Variants in PRMT3 observed in about 807,000 individuals in gnomAD.
PRMT3 encodes protein arginine methyltransferase 3.
A neutral mutation model predicts 71.9 loss-of-function variants in PRMT3; 62 were observed. That is an observed-to-expected ratio of 0.86 (90% CI 0.70 to 1.07). The LOEUF (loss-of-function observed/expected upper bound fraction) is 1.07. PRMT3 is among the 50% of genes least tolerant of loss of function. The probability of loss-of-function intolerance (pLI) is 0.00; values close to 1 mark genes in which losing one functional copy is unlikely to be tolerated. For missense variants in PRMT3, 663 were observed against 643.0 expected, an observed-to-expected ratio of 1.03 and a Z score of -0.34; for synonymous variants, 213 against 220.4, an observed-to-expected ratio of 0.97 and a Z score of 0.30.
At chr11:20,451,128 A>T (rs1850139094) in intron 10 of PRMT3, among the ~76,000 whole-genome samples, 1 of 152,160 alleles carries the variant, frequency 6.6e-6, no homozygotes, top group Non-Finnish European at 1.5e-5. Context: ...ATTGGAATGT[A>T]GCGTATTTGT....
intron 9 of PRMT3, among the ~76,000 whole-genome samples, chr11:20,420,723 T>G (rs1000855121): frequency 6.6e-6 from 1 of 152,186 alleles, no homozygotes; most frequent in African/African-American, 2.4e-5. Flanking sequence ...TGGGGACTGC[T>G]GATAACAGAA....
At position 20,508,581 on chromosome 11, in the gene PRMT3, T is replaced by C. The variant is rs1163247367; in HGVS notation, c.*168T>C. On this transcript the variant is annotated 3_prime_UTR_variant, in exon 16 of 16. Coordinates refer to ENST00000331079, the MANE Select transcript of PRMT3 (RefSeq NM_005788.4). ...TTGTGGGAATCTGACATAGTTCAGC[T>C]GAGGAAGAGAATCAGCTGATCCTCA... is the stretch of plus-strand genomic sequence containing the variant. 1.4e-6 allele frequency: 1 copy of C among 698,846 alleles called. No individual in the cohort carries two copies. Among genetic ancestry groups the C allele is most frequent in the South Asian group, 1.5e-5 (1 of 66,766 alleles). 43.3% of individuals were successfully genotyped at this position (698,846 alleles called of 1,614,324 possible).
intron 13 of PRMT3, among the ~76,000 whole-genome samples, chr11:20,477,182 A>T (rs969731284): frequency 8.5e-5 from 13 of 152,172 alleles, no homozygotes; most frequent in African/African-American, 3.1e-4. Context: ...TATTTATGAA[A>T]TTCTCAGCAG....
At chr11:20,394,032 C>G (rs1043100672) in intron 5 of PRMT3, among the ~76,000 whole-genome samples, 2 of 152,198 alleles carry the variant, frequency 1.3e-5, no homozygotes, top group African/African-American at 4.8e-5. Context: ...GCTTTTATAA[C>G]AAGAATTCAA....
intron 8 of PRMT3, chr11:20,406,794 A>C (rs147827520): frequency 6.6e-6 from 1 of 152,096 alleles, no homozygotes; most frequent in Non-Finnish European, 1.5e-5. Flanking sequence ...ATTTTTCCAT[A>C]TCCTTAGCAA....
At chr11:20,399,307 T>C (rs1040494488) in intron 7 of PRMT3, among the ~76,000 whole-genome samples, 1 of 152,206 alleles carries the variant, frequency 6.6e-6, no homozygotes, top group Non-Finnish European at 1.5e-5. Flanking sequence ...GATCACAGAA[T>C]AGAAGTTTGG....
intron 13 of PRMT3, among the ~76,000 whole-genome samples, chr11:20,481,373 TCTG>T (rs1024563158): frequency 1.3e-5 from 2 of 152,054 alleles, no homozygotes; most frequent in African/African-American, 4.8e-5. Context: ...GAGAAACACA[TCTG>T]CTGTTTCTTT....
In PRMT3 at chr11:20,462,156, T is replaced by C; in HGVS notation, c.1249T>C (p.Cys417Arg). 1 of 1,605,158 alleles carries C rather than the reference T, an allele frequency of 6.2e-7. No individual in the cohort carries two copies. Among genetic ancestry groups the C allele is most frequent in the Non-Finnish European group, 8.5e-7 (1 of 1,173,872 alleles). Residue 417 changes from cysteine to arginine, a missense_variant, in exon 12 of 16, where the codon TGT becomes CGT. By Grantham distance (180) the Cys-to-Arg change is radical. Transcript: ENST00000331079. ...LDPKTLISEP[C>R]GIKHIDCHTT... is the part of the protein sequence containing the mutation. ...TCCGAAGACTCTTATTTCAGAACCT[T>C]GTGGTATTAAGGTAGGTGTTTTACC... is the stretch of plus-strand genomic sequence containing the variant.
intron 13 of PRMT3, among the ~76,000 whole-genome samples, chr11:20,482,493 TAATC>T (rs1476858342): frequency 1.1e-4 from 17 of 152,240 alleles, no homozygotes; most frequent in African/African-American, 2.2e-4. Flanking sequence ...ATTTATCAAA[TAATC>T]AATAAGAGTG....
intron 10 of PRMT3, among the ~76,000 whole-genome samples, chr11:20,438,342 CAG>C (rs1355445877): frequency 2.2e-5 from 1 of 46,486 alleles, no homozygotes; most frequent in African/African-American, 3.7e-5. Context: ...GGCTGTATCC[CAG>C]ACTCTGTGAG....
chr11:20,414,956 GT>G (rs1307516132), intron 9 of PRMT3, among the ~76,000 whole-genome samples: 1 of 151,428 alleles, frequency 6.6e-6, no homozygotes, highest in East Asian at 1.9e-4. Context: ...CTTAGTTAAG[GT>G]TTTTGAATAA....
intron 10 of PRMT3, among the ~76,000 whole-genome samples, chr11:20,449,755 G>A (rs896076530): frequency 6.6e-6 from 1 of 151,848 alleles, no homozygotes; most frequent in African/African-American, 2.4e-5. Flanking sequence ...ATAAAAAGCA[G>A]TTTCATTTTA....
Position 20,462,169 on chromosome 11 carries a change from T to G in PRMT3, c.1260+2T>G, listed in dbSNP as rs1246475203. 6.4e-7 allele frequency: 1 copy of G among 1,572,948 alleles called. No homozygotes were observed. The highest frequency in any genetic ancestry group is 2.3e-5 in the East Asian group (1 of 44,348). ...ATTTCAGAACCTTGTGGTATTAAGG[T>G]AGGTGTTTTACCAACTTTATTTTTT... On this transcript the variant is annotated splice_donor_variant, in intron 12 of 15. Coordinates refer to ENST00000331079, the MANE Select transcript of PRMT3 (RefSeq NM_005788.4). LOFTEE classifies it high-confidence loss of function.
intron 9 of PRMT3, among the ~76,000 whole-genome samples, chr11:20,408,895 G>A (rs1849130649): frequency 6.6e-6 from 1 of 151,980 alleles, no homozygotes; most frequent in Admixed American, 6.6e-5. Flanking sequence ...GGAGTTCAAG[G>A]CCAGCCTAGG....
intron 2 of PRMT3, among the ~76,000 whole-genome samples, chr11:20,389,287 G>A (rs1848662194): frequency 6.6e-6 from 1 of 152,166 alleles, no homozygotes; most frequent in African/African-American, 2.4e-5. Context: ...TAAGGCACTT[G>A]GGGAGTATGC....
At chr11:20,499,197 T>C (rs1377911145) in intron 15 of PRMT3, among the ~76,000 whole-genome samples, 2 of 152,240 alleles carry the variant, frequency 1.3e-5, no homozygotes, top group East Asian at 3.8e-4. Context: ...TTACACTGTA[T>C]GTGAAGCAGT....
rs191828097 is a variant in PRMT3 at position 20,488,752 on chromosome 11, C to T, written c.1348-5167C>T. Among the ~76,000 whole-genome samples, 126 of 152,234 alleles carry T rather than the reference C, an allele frequency of 8.3e-4. 1 individual carries two copies. Among genetic ancestry groups the T allele is most frequent in the African/African-American group, 2.9e-3 (121 of 41,546 alleles). On this transcript the variant is annotated intron_variant, in intron 13 of 15. Coordinates refer to ENST00000331079, the MANE Select transcript of PRMT3 (RefSeq NM_005788.4). ...TCCTATTACATACACACAATGTGTC[C>T]TCTTTAAAGAAATATTCATCACACT...
intron 10 of PRMT3, among the ~76,000 whole-genome samples, chr11:20,451,924 A>G (rs1323332401): frequency 1.3e-5 from 2 of 152,160 alleles, no homozygotes; most frequent in African/African-American, 2.4e-5. Flanking sequence ...TTACCACAAT[A>G]AACTTTCTGG....
intron 6 of PRMT3, 47 bp from the exon 7 acceptor site, chr11:20,397,530 A>T: frequency 6.3e-7 from 1 of 1,596,946 alleles, no homozygotes; most frequent in African/African-American, 1.3e-5. Context: ...TCCTTTATTC[A>T]TGGTCCAATA....
Sources: allele counts gnomAD v4.1 joint callset (sites outside exome capture counted in the v4.1 genomes callset), GRCh38; gene constraint gnomAD v4.1.1; transcripts MANE v1.5; gene names NCBI Gene and HGNC (gene_info 2026-07-23, HGNC 2026-07-21).